C18orf63: variants seen among roughly 807,000 people sequenced by gnomAD.
C18orf63 encodes chromosome 18 open reading frame 63.
A neutral mutation model predicts 75.3 loss-of-function variants in C18orf63; 50 were observed. The ratio of observed to expected loss-of-function variants is 0.66; its 90% CI spans 0.53 to 0.84. C18orf63 has a LOEUF of 0.84. Ranked by LOEUF, C18orf63 falls within the 40% of genes least tolerant of loss-of-function variation. The pLI, the probability that C18orf63 is intolerant of heterozygous loss-of-function variation, is 0.00. For synonymous variants in C18orf63, 232 were observed against 267.6 expected (o/e 0.87, Z 1.30); for missense variants, 732 against 800.2 (o/e 0.91, Z 1.03).
intron 4 of C18orf63, among the ~76,000 whole-genome samples, chr18:74,325,205 A>G (rs1984188306): frequency 1.3e-5 from 2 of 152,122 alleles, no homozygotes; most frequent in Non-Finnish European, 1.5e-5. Flanking sequence ...TTCGTGCTAT[A>G]TATTTCTTCC....
chr18:74,346,134 A>G (rs1984571585), intron 11 of C18orf63, among the ~76,000 whole-genome samples: 1 of 152,148 alleles, frequency 6.6e-6, no homozygotes, highest in South Asian at 2.1e-4. Flanking sequence ...TGTACTTCCT[A>G]TACATAAATT....
chr18:74,335,708 G>T (rs538070148), intron 7 of C18orf63, among the ~76,000 whole-genome samples: 1 of 152,074 alleles, frequency 6.6e-6, no homozygotes, highest in Admixed American at 6.6e-5. Flanking sequence ...TTCGTAGATG[G>T]ATATTTACTG....
At chr18:74,341,000 C>T (rs1233645978) in intron 8 of C18orf63, among the ~76,000 whole-genome samples, 7 of 152,072 alleles carry the variant, frequency 4.6e-5, no homozygotes, top group South Asian at 2.1e-4. Context: ...CGCGGTGGCT[C>T]ACGCCTGTAG....
intron 2 of C18orf63, among the ~76,000 whole-genome samples, chr18:74,318,551 G>A (rs2145112868): frequency 6.6e-6 from 1 of 152,306 alleles, no homozygotes; most frequent in African/African-American, 2.4e-5. Context: ...AGTGCTTTGG[G>A]AGGCCAAGGT....
chr18:74,345,318 A>G (rs372257781), intron 11 of C18orf63, among the ~76,000 whole-genome samples: 275 of 151,976 alleles, frequency 1.8e-3, no homozygotes, highest in African/African-American at 6.4e-3. Context: ...CTTTCATTCT[A>G]TAACATGCTT....
chr18:74,342,463 T>G, intron 10 of C18orf63, 137 bp downstream of exon 10: 1 of 592,750 alleles, frequency 1.7e-6, no homozygotes. Context: ...CTCCTACTTC[T>G]TATCTGCACA....
Position 74,353,812 on chromosome 18 carries a change from TAC to T in C18orf63, c.1547_1548del (p.Thr516ArgfsTer4), listed in dbSNP as rs1297599067. 51 of 1,535,722 alleles carry T rather than the reference TAC, an allele frequency of 3.3e-5. No homozygotes were observed. The highest frequency in any genetic ancestry group is 4.0e-5 in the Non-Finnish European group (46 of 1,146,794). ...ATTCCAGACCTCTGCAAGAAAAAAATACAGAGTCTTCTGAAAATATGACAAAA... is the reference window on the plus strand; with the variant it reads ...ATTCCAGACCTCTGCAAGAAAAAAATAGAGTCTTCTGAAAATATGACAAAA... ...ENSRPLQEKN[T>X]ESSENMTKFP... On this transcript the variant is annotated frameshift_variant, in exon 12 of 14. Coordinates refer to ENST00000579455, the MANE Select transcript of C18orf63 (RefSeq NM_001174123.2). LOFTEE classifies it high-confidence loss of function.
At chr18:74,355,330 T>G (rs544130440) in intron 13 of C18orf63, among the ~76,000 whole-genome samples, 1 of 150,598 alleles carries the variant, frequency 6.6e-6, no homozygotes, top group East Asian at 2.0e-4. Flanking sequence ...CTTAATATTT[T>G]AATGCACTCA....
At chr18:74,337,742 T>G (rs1984416108) in intron 7 of C18orf63, among the ~76,000 whole-genome samples, 1 of 152,170 alleles carries the variant, frequency 6.6e-6, no homozygotes, top group Non-Finnish European at 1.5e-5. Context: ...CTAGCATATC[T>G]TATCTTCCTC....
chr18:74,341,370 C>CT (rs1442814303), intron 8 of C18orf63, among the ~76,000 whole-genome samples: 2 of 138,644 alleles, frequency 1.4e-5, no homozygotes, highest in Non-Finnish European at 3.1e-5. Context: ...ATCGCAATTA[C>CT]TTTTTTTACA....
intron 13 of C18orf63, among the ~76,000 whole-genome samples, chr18:74,355,779 G>A (rs1354900101): frequency 6.6e-6 from 1 of 152,102 alleles, no homozygotes; most frequent in African/African-American, 2.4e-5. Flanking sequence ...AAATTAGCTG[G>A]ACGTGCTACT....
At chr18:74,331,374 T>G in intron 7 of C18orf63, among the ~76,000 whole-genome samples, 1 of 152,232 alleles carries the variant, frequency 6.6e-6, no homozygotes, top group East Asian at 1.9e-4. Flanking sequence ...ACTTTCTGTC[T>G]TCTTAGTAGA....
In C18orf63 at chr18:74,343,519, A is replaced by T. The variant is rs1301558459; in HGVS notation, c.795A>T (p.Thr265=). 6.6e-7 allele frequency: 1 copy of T among 1,516,460 alleles called. No homozygotes were observed. The highest frequency in any genetic ancestry group is 2.1e-5 in the Admixed American group (1 of 47,738). 93.9% of individuals were successfully genotyped at this position (1,516,460 alleles called of 1,614,324 possible). A position where few individuals can be genotyped will look rare whatever the true frequency, so the allele number is the denominator to read the frequency against. The change falls in exon 11 of 14, where the codon ACA becomes ACT. Residue 265 remains threonine (T), a splice_region_variant and synonymous_variant. Coordinates refer to ENST00000579455, the MANE Select transcript of C18orf63 (RefSeq NM_001174123.2). The part of the protein sequence containing the change: ...YFKMLGERTF[T]YPLSCIRSQP... ...GACATTGTTCTTTAACATTGTTCAG[A>T]TATCCTCTCAGTTGCATCAGAAGTC...
chr18:74,332,142 G>T (rs1002864300), intron 7 of C18orf63, among the ~76,000 whole-genome samples: 27 of 152,124 alleles, frequency 1.8e-4, no homozygotes, highest in African/African-American at 6.5e-4. Flanking sequence ...AATTTGTAAA[G>T]AAAATGAATT....
intron 7 of C18orf63, among the ~76,000 whole-genome samples, chr18:74,331,873 A>T (rs542127745): frequency 1.9e-4 from 29 of 152,150 alleles, no homozygotes; most frequent in Non-Finnish European, 3.5e-4. Flanking sequence ...TCTTATGTGG[A>T]TAAGTAACAA....
chr18:74,329,103 C>A (rs1984258877), intron 6 of C18orf63, 67 bp downstream of exon 6: 1 of 1,050,598 alleles, frequency 9.5e-7, no homozygotes, highest in Non-Finnish European at 1.4e-6. Context: ...AAAACAGTAT[C>A]ATATGCTGGG....
intron 7 of C18orf63, among the ~76,000 whole-genome samples, chr18:74,336,376 G>C (rs1239024943): frequency 6.6e-6 from 1 of 151,998 alleles, no homozygotes; most frequent in Non-Finnish European, 1.5e-5. Context: ...GTTACTTGAG[G>C]AATTAAGAGA....
chr18:74,336,278 A>C (rs1984390000), intron 7 of C18orf63, among the ~76,000 whole-genome samples: 1 of 152,022 alleles, frequency 6.6e-6, no homozygotes, highest in Non-Finnish European at 1.5e-5. Flanking sequence ...AGCCTTACAG[A>C]AATAGAAACC....
At chr18:74,332,829 A>T (rs1159037770) in intron 7 of C18orf63, among the ~76,000 whole-genome samples, 3 of 152,058 alleles carry the variant, frequency 2.0e-5, no homozygotes, top group Admixed American at 6.6e-5. Flanking sequence ...TCACATGCTT[A>T]TTTCTATTTT....
Sources: allele counts gnomAD v4.1 joint callset (sites outside exome capture counted in the v4.1 genomes callset), GRCh38; gene constraint gnomAD v4.1.1; transcripts MANE v1.5; gene names NCBI Gene and HGNC (gene_info 2026-07-23, HGNC 2026-07-21).